NICN1: variants seen among roughly 807,000 people sequenced by gnomAD.
The protein encoded by NICN1 is nicolin 1, tubulin polyglutamylase complex subunit, also known as nicolin-1.
In NICN1, 18 loss-of-function variants were observed where a neutral mutation model predicts 26.3. The observed-to-expected ratio is 0.68, with a 90% CI of 0.47 to 1.01. The LOEUF is 1.01. Ranked by LOEUF, NICN1 falls within the 50% of genes least tolerant of loss-of-function variation. NICN1 has a pLI of 0.00. For missense variants in NICN1, 239 were observed against 278.3 expected, an observed-to-expected ratio of 0.86 and a Z score of 1.00; for synonymous variants, 109 against 111.0, an observed-to-expected ratio of 0.98 and a Z score of 0.11.
chr3:49,427,505 T>C (rs1319923779), intron 1 of NICN1, among the ~76,000 whole-genome samples: 1 of 150,378 alleles, frequency 6.6e-6, no homozygotes, highest in Non-Finnish European at 1.5e-5. Flanking sequence ...TAGCTGAGCG[T>C]GGTGGCGCAT....
chr3:49,429,301 C>A lies in NICN1; in HGVS notation c.-62G>T. 2.0e-6 allele frequency: 3 copies of A among 1,514,248 alleles called. No individual in the cohort carries two copies. Among genetic ancestry groups the A allele is most frequent in the East Asian group, 2.6e-5 (1 of 38,646 alleles). 93.8% of individuals were successfully genotyped at this position (1,514,248 alleles called of 1,614,324 possible). A position where few individuals can be genotyped will look rare whatever the true frequency, so the allele number is the denominator to read the frequency against. On this transcript the variant is annotated 5_prime_UTR_variant, in exon 1 of 6. Transcript: ENST00000273598. ...TAGGCCCCCGACCACCAGCCCTTCCCGGCATCCTCAGCCGAGCCTCAAGAA... is the reference window on the plus strand; with the variant it reads ...TAGGCCCCCGACCACCAGCCCTTCCAGGCATCCTCAGCCGAGCCTCAAGAA...
rs763223038 is a variant in NICN1 at position 49,422,367 on chromosome 3, G to C, written c.*2466C>G. 1.2e-6 allele frequency: 2 copies of C among 1,613,150 alleles called. No homozygotes were observed. Among genetic ancestry groups the C allele is most frequent in the East Asian group, 4.5e-5 (2 of 44,836 alleles). On this transcript the variant is annotated 3_prime_UTR_variant, in exon 6 of 6. Transcript: ENST00000273598. Reference sequence around the variant, plus strand: ...TCAGCACCCTCTATCCCACCTGTGCGCAACTAAGTGGACGACACAAGGCCG... The same window carrying C: ...TCAGCACCCTCTATCCCACCTGTGCCCAACTAAGTGGACGACACAAGGCCG...
In NICN1 at chr3:49,425,951, G is replaced by A. The variant is rs1157065672; in HGVS notation, c.355C>T (p.Arg119Trp). Reference protein sequence around the residue: ...ARISELRLILRQPSPLWLSFT... With the variant: ...ARISELRLILWQPSPLWLSFT... ...GACAGCCACAGTGGTGATGGCTGCC[G>A]CAGAATCAGGCGTAGCTCCGATATT... is the stretch of plus-strand genomic sequence containing the variant. Residue 119 changes from arginine to tryptophan, a missense_variant, in exon 3 of 6, where the codon CGG (arginine) becomes TGG (tryptophan). Transcript: ENST00000273598. 18 of 1,611,732 alleles carry A rather than the reference G, an allele frequency of 1.1e-5. No homozygotes were observed. The Admixed American group carries it at 1.2e-4, about 10-fold the overall frequency.
chr3:49,426,387 C>G lies in NICN1; in HGVS notation c.174G>C (p.Leu58Phe), dbSNP rs1559532547. 2.5e-6 allele frequency: 4 copies of G among 1,613,798 alleles called. No homozygotes were observed. In the East Asian group the frequency reaches 8.9e-5, roughly 36 times the overall value. ...ITFKNYYTAFLSIRVRQYTSA... is the reference protein window; with the variant it reads ...ITFKNYYTAFFSIRVRQYTSA... ...AGGTGTACTGACGGACACGGATGCTCAAAAAAGCTGTGTAGTAATTCTTAA... is the reference window on the plus strand; with the variant it reads ...AGGTGTACTGACGGACACGGATGCTGAAAAAAGCTGTGTAGTAATTCTTAA... The change falls in exon 2 of 6, where the codon TTG becomes TTC. Residue 58 changes from leucine (L) to phenylalanine (F), a missense_variant. Transcript: ENST00000273598.
In NICN1 at chr3:49,422,396, G is replaced by A. The variant is rs1265958704; in HGVS notation, c.*2437C>T. ...CTAAGTGGACGACACAAGGCCGGGG[G>A]GAATGCCTGCAGGCGAAAGCCCAGA... On this transcript the variant is annotated 3_prime_UTR_variant, in exon 6 of 6. Transcript: ENST00000273598. 1.2e-6 allele frequency: 2 copies of A among 1,613,910 alleles called. No individual in the cohort carries two copies. Among genetic ancestry groups the A allele is most frequent in the Admixed American group, 1.7e-5 (1 of 60,016 alleles).
intron 1 of NICN1, 114 bp downstream of exon 1, chr3:49,428,994 G>A (rs770805412): frequency 3.0e-4 from 301 of 994,664 alleles, no homozygotes; most frequent in Non-Finnish European, 4.1e-4. Context: ...TAATTTGCAA[G>A]GGCAAGGAAG....
intron 1 of NICN1, 41 bp from the exon 2 acceptor site, chr3:49,426,469 C>T (rs1183499022): frequency 6.4e-7 from 1 of 1,560,426 alleles, no homozygotes. Flanking sequence ...CAGACCCAGG[C>T]CCAGGGGCCT....
In NICN1 at chr3:49,422,488, A is replaced by G; in HGVS notation, c.*2345T>C. 1 of 1,597,544 alleles carries G rather than the reference A, an allele frequency of 6.3e-7. No individual in the cohort carries two copies. The highest frequency in any genetic ancestry group is 8.6e-7 in the Non-Finnish European group (1 of 1,168,432). ...CGAGTGCAGACGGCGCACAGAGGCC[A>G]CCACACTGCCAGGCACGCCGGGAGA... is the stretch of plus-strand genomic sequence containing the variant. On this transcript the variant is annotated 3_prime_UTR_variant, in exon 6 of 6. Coordinates refer to ENST00000273598, the MANE Select transcript of NICN1 (RefSeq NM_032316.3).
rs777595099 is a variant in NICN1, at chr3:49,426,235, C to T, written c.309+17G>A. The T allele has an allele frequency of 4.3e-6, 7 of 1,612,784 alleles. No individual in the cohort carries two copies. The Admixed American group carries it at 6.7e-5, about 15-fold the overall frequency. ...TCCTCATCTGGGCTGCCCTGGCCATCCTGAGGCCCAGCTGACCTGATGCTT... is the reference window on the plus strand; with the variant it reads ...TCCTCATCTGGGCTGCCCTGGCCATTCTGAGGCCCAGCTGACCTGATGCTT... On this transcript the variant is annotated intron_variant, in intron 2 of 5. Coordinates refer to ENST00000273598, the MANE Select transcript of NICN1 (RefSeq NM_032316.3).
Position 49,422,376 on chromosome 3 carries a change from T to C in NICN1, c.*2457A>G. On this transcript the variant is annotated 3_prime_UTR_variant, in exon 6 of 6. Coordinates refer to ENST00000273598, the MANE Select transcript of NICN1 (RefSeq NM_032316.3). Reference sequence around the variant, plus strand: ...TCTATCCCACCTGTGCGCAACTAAGTGGACGACACAAGGCCGGGGGGAATG... The same window carrying C: ...TCTATCCCACCTGTGCGCAACTAAGCGGACGACACAAGGCCGGGGGGAATG... 2 of 1,612,046 alleles carry C rather than the reference T, an allele frequency of 1.2e-6. No individual in the cohort carries two copies. Among genetic ancestry groups the C allele is most frequent in the African/African-American group, 2.7e-5 (2 of 74,208 alleles).
intron 1 of NICN1, among the ~76,000 whole-genome samples, chr3:49,427,735 G>C (rs1272746078): frequency 2.0e-5 from 3 of 152,002 alleles, no homozygotes; most frequent in Non-Finnish European, 4.4e-5. Flanking sequence ...TGTGCCACTG[G>C]AACAGCCAGT....
chr3:49,425,526 C>G, intron 3 of NICN1, 88 bp from the exon 4 acceptor site: 1 of 1,099,306 alleles, frequency 9.1e-7, no homozygotes, highest in Non-Finnish European at 1.3e-6. Context: ...GAGAGAAGGG[C>G]CGCTGGGCCT....
chr3:49,426,249 G>C lies in NICN1; in HGVS notation c.309+3C>G. 1 of 1,613,844 alleles carries C rather than the reference G, an allele frequency of 6.2e-7. No individual in the cohort carries two copies. Among genetic ancestry groups the C allele is most frequent in the Non-Finnish European group, 8.5e-7 (1 of 1,179,896 alleles). Reference sequence around the variant, plus strand: ...GCCCTGGCCATCCTGAGGCCCAGCTGACCTGATGCTTGAACAGCGATACAT... The same window carrying C: ...GCCCTGGCCATCCTGAGGCCCAGCTCACCTGATGCTTGAACAGCGATACAT... On this transcript the variant is annotated splice_donor_region_variant and intron_variant, in intron 2 of 5. Coordinates refer to ENST00000273598, the MANE Select transcript of NICN1 (RefSeq NM_032316.3).
Position 49,424,634 on chromosome 3 carries a change from C to G in NICN1, c.*199G>C. ...GAATTGAGTTGCAGCCAGGCGAAGA[C>G]AGAGCACCCCCATGCCAGGAGCTCA... On this transcript the variant is annotated 3_prime_UTR_variant, in exon 6 of 6. Coordinates refer to ENST00000273598, the MANE Select transcript of NICN1 (RefSeq NM_032316.3). 1 of 617,916 alleles carries G rather than the reference C, an allele frequency of 1.6e-6. No individual in the cohort carries two copies. The highest frequency in any genetic ancestry group is 2.9e-6 in the Non-Finnish European group (1 of 346,086). The allele number at this position is 617,916 out of a possible 1,614,324, so 38.3% of individuals were successfully genotyped here.
chr3:49,428,877 C>A (rs2049195841), intron 1 of NICN1, among the ~76,000 whole-genome samples: 1 of 152,148 alleles, frequency 6.6e-6, no homozygotes, highest in African/African-American at 2.4e-5. Flanking sequence ...CACCTGCATG[C>A]CAGCGCTGTC....
In NICN1 at chr3:49,423,941, C is replaced by G. The variant is rs567219788; in HGVS notation, c.*892G>C. The G allele has an allele frequency of 3.9e-5, 6 of 152,102 alleles. No individual in the cohort carries two copies. The highest frequency in any genetic ancestry group is 1.2e-4 in the African/African-American group (5 of 41,524). 9.4% of individuals were successfully genotyped at this position (152,102 alleles called of 1,614,324 possible). ...ATCTCAGGTCCGCAACCTCCACTTC[C>G]CGGGTTCAAGAGATTCTCCTGCCTC... is the stretch of plus-strand genomic sequence containing the variant. On this transcript the variant is annotated 3_prime_UTR_variant, in exon 6 of 6. Coordinates refer to ENST00000273598, the MANE Select transcript of NICN1 (RefSeq NM_032316.3).
At chr3:49,428,076 C>G (rs1337887998) in intron 1 of NICN1, among the ~76,000 whole-genome samples, 6 of 151,804 alleles carry the variant, frequency 4.0e-5, no homozygotes, top group African/African-American at 1.5e-4. Flanking sequence ...AAAATTTAGC[C>G]GGGCGTGATG....
chr3:49,425,953 A>G lies in NICN1; in HGVS notation c.353T>C (p.Leu118Pro), dbSNP rs1179976022. 2 of 1,612,512 alleles carry G rather than the reference A, an allele frequency of 1.2e-6. No individual in the cohort carries two copies. Among genetic ancestry groups the G allele is most frequent in the Non-Finnish European group, 1.7e-6 (2 of 1,178,718 alleles). ...MARISELRLI[L>P]RQPSPLWLSF... is the part of the protein sequence containing the mutation. ...CAGCCACAGTGGTGATGGCTGCCGC[A>G]GAATCAGGCGTAGCTCCGATATTCT... The change falls in exon 3 of 6, where the codon CTG becomes CCG. Residue 118 changes from leucine (L) to proline (P), a missense_variant. Transcript: ENST00000273598.
At chr3:49,427,644 G>GGA (rs1559532915) in intron 1 of NICN1, among the ~76,000 whole-genome samples, 1 of 102,822 alleles carries the variant, frequency 9.7e-6, no homozygotes. Context: ...CTACCTCTCA[G>GGA]AAAAAAAAAA....
Sources: allele counts gnomAD v4.1 joint callset (sites outside exome capture counted in the v4.1 genomes callset), GRCh38; gene constraint gnomAD v4.1.1; transcripts MANE v1.5; gene names NCBI Gene and HGNC (gene_info 2026-07-23, HGNC 2026-07-21).